POU6F2: variants seen among roughly 807,000 people sequenced by gnomAD.
POU6F2 encodes the protein POU class 6 homeobox 2.
Under a neutral mutation model 71.3 loss-of-function variants are expected in POU6F2, and 31 were observed. The observed-to-expected ratio is 0.43, with a 90% CI of 0.33 to 0.59. POU6F2 has a LOEUF of 0.59. Ranked by LOEUF, POU6F2 falls within the 20% of genes least tolerant of loss-of-function variation. The pLI is 0.04. For synonymous variants in POU6F2, 347 were observed against 355.7 expected (o/e 0.98, Z 0.27); for missense variants, 783 against 856.8 (o/e 0.91, Z 1.07).
chr7:39,379,398 AT>A (rs1295555980), intron 5 of POU6F2, among the ~76,000 whole-genome samples: 1 of 152,118 alleles, frequency 6.6e-6, no homozygotes, highest in Non-Finnish European at 1.5e-5. Flanking sequence ...TTGAAAGTCC[AT>A]GTACTCAGCT....
At chr7:38,986,744 A>T (rs1395072924) in intron 1 of POU6F2, among the ~76,000 whole-genome samples, 10 of 152,164 alleles carry the variant, frequency 6.6e-5, no homozygotes. Flanking sequence ...AAAGTAAAGT[A>T]TCCTGATTCC....
At chr7:39,325,057 T>C (rs1392398331) in intron 4 of POU6F2, among the ~76,000 whole-genome samples, 1 of 152,176 alleles carries the variant, frequency 6.6e-6, no homozygotes, top group African/African-American at 2.4e-5. Flanking sequence ...ATAATAATAA[T>C]ATTTATGATA....
intron 1 of POU6F2, among the ~76,000 whole-genome samples, chr7:39,010,473 A>G (rs1290917511): frequency 1.3e-5 from 2 of 151,586 alleles, no homozygotes; most frequent in Non-Finnish European, 2.9e-5. Context: ...TCAAAAAACC[A>G]GCTCCTGGAT....
chr7:39,201,720 G>C (rs1793907612), intron 2 of POU6F2, among the ~76,000 whole-genome samples: 1 of 152,158 alleles, frequency 6.6e-6, no homozygotes, highest in Non-Finnish European at 1.5e-5. Context: ...TTTCATATCT[G>C]TGCCCATGAA....
At chr7:39,176,160 C>T (rs899171317) in intron 2 of POU6F2, among the ~76,000 whole-genome samples, 4 of 152,142 alleles carry the variant, frequency 2.6e-5, no homozygotes, top group Admixed American at 1.3e-4. Flanking sequence ...CTTCTCCATG[C>T]AGGACCCAGT....
chr7:39,085,970 T>C lies in POU6F2; in HGVS notation c.216T>C (p.Asn72=). Residue 72 remains asparagine (N), a synonymous_variant, in exon 2 of 10, where the codon AAT becomes AAC. Coordinates refer to ENST00000518318, the MANE Select transcript of POU6F2 (RefSeq NM_001370959.1). ...CTGCTACTTCAGACAGCGAGCTGAA[T>C]GAGCCCCTGCTTGCGCCTGTGGAAT... is the stretch of plus-strand genomic sequence containing the variant. ...DKAATSDSEL[N]EPLLAPVESN... 1 of 1,613,718 alleles carries C rather than the reference T, an allele frequency of 6.2e-7. No individual in the cohort carries two copies. Among genetic ancestry groups the C allele is most frequent in the Non-Finnish European group, 8.5e-7 (1 of 1,179,726 alleles).
At chr7:39,374,713 G>A (rs1786676716) in intron 5 of POU6F2, among the ~76,000 whole-genome samples, 1 of 152,176 alleles carries the variant, frequency 6.6e-6, no homozygotes, top group Non-Finnish European at 1.5e-5. Flanking sequence ...TGGATTGAGT[G>A]GAGGAGTGGG....
intron 1 of POU6F2, among the ~76,000 whole-genome samples, chr7:39,070,444 C>T (rs986278629): frequency 6.6e-6 from 1 of 151,556 alleles, no homozygotes; most frequent in African/African-American, 2.4e-5. Context: ...TTGGAAGGCA[C>T]ATCAGACCTT....
chr7:39,153,737 T>G (rs1792806384), intron 2 of POU6F2, among the ~76,000 whole-genome samples: 1 of 152,198 alleles, frequency 6.6e-6, no homozygotes, highest in South Asian at 2.1e-4. Context: ...CGTTGCTTGT[T>G]TTTCTAAAGA....
intron 2 of POU6F2, among the ~76,000 whole-genome samples, chr7:39,171,016 CTTTTTTT>C (rs760022218): frequency 1.1e-5 from 1 of 94,588 alleles, no homozygotes; most frequent in Admixed American, 1.2e-4. Context: ...TCACATATAT[CTTTTTTT>C]TTTTTTTTTT....
chr7:38,998,550 C>T (rs1788805408), intron 1 of POU6F2, among the ~76,000 whole-genome samples: 1 of 152,108 alleles, frequency 6.6e-6, no homozygotes, highest in East Asian at 1.9e-4. Context: ...ATTAGGAGAT[C>T]TGAACAAATT....
At chr7:39,358,743 A>G (rs944550031) in intron 5 of POU6F2, among the ~76,000 whole-genome samples, 1 of 152,120 alleles carries the variant, frequency 6.6e-6, no homozygotes, top group Non-Finnish European at 1.5e-5. Flanking sequence ...ATCAGTTAAT[A>G]TTTCCTCAGT....
At chr7:39,177,617 C>T (rs756891425) in intron 2 of POU6F2, among the ~76,000 whole-genome samples, 8 of 152,196 alleles carry the variant, frequency 5.3e-5, no homozygotes, top group East Asian at 3.8e-4. Flanking sequence ...GCACTTCACA[C>T]GGAAGGGGCT....
chr7:39,340,134 A>C (rs2115619304), intron 5 of POU6F2, 119 bp downstream of exon 5: 1 of 1,333,312 alleles, frequency 7.5e-7, no homozygotes, highest in South Asian at 1.7e-5. Flanking sequence ...TGCAGCATCT[A>C]ATTCAAATTG....
At chr7:39,086,793 A>G (rs1235415630) in intron 2 of POU6F2, among the ~76,000 whole-genome samples, 1 of 152,196 alleles carries the variant, frequency 6.6e-6, no homozygotes, top group African/African-American at 2.4e-5. Flanking sequence ...AACTCATGCA[A>G]CTGTGATCTC....
intron 5 of POU6F2, among the ~76,000 whole-genome samples, chr7:39,361,199 A>G (rs1301292536): frequency 6.6e-6 from 1 of 152,240 alleles, no homozygotes; most frequent in African/African-American, 2.4e-5. Context: ...GGCTGCATAA[A>G]TGTAGCTGTG....
At chr7:39,078,649 G>C (rs1358898929) in intron 1 of POU6F2, among the ~76,000 whole-genome samples, 1 of 152,168 alleles carries the variant, frequency 6.6e-6, no homozygotes, top group African/African-American at 2.4e-5. Flanking sequence ...ACCTGGGGCG[G>C]AGCTCACGGG....
chr7:39,029,227 T>G (rs757497421), intron 1 of POU6F2, among the ~76,000 whole-genome samples: 13 of 152,210 alleles, frequency 8.5e-5, no homozygotes, highest in Non-Finnish European at 1.9e-4. Flanking sequence ...ATATTGATCA[T>G]ATACCAGCCA....
At chr7:39,225,950 T>G (rs1473149544) in intron 4 of POU6F2, among the ~76,000 whole-genome samples, 1 of 151,324 alleles carries the variant, frequency 6.6e-6, no homozygotes, top group East Asian at 1.9e-4. Context: ...GTAGAATTAA[T>G]TCCTTTAAAA....
Sources: gnomAD v4.1 joint callset for allele counts (sites outside exome capture counted in the v4.1 genomes callset) on GRCh38, gnomAD v4.1.1 for gene constraint, MANE v1.5 for transcripts, NCBI Gene and HGNC (gene_info 2026-07-23, HGNC 2026-07-21) for gene names.